PCDHA7: variants seen among roughly 807,000 people sequenced by gnomAD.
PCDHA7 encodes the protein protocadherin alpha-7.
Under a neutral mutation model 57.2 loss-of-function variants are expected in PCDHA7, and 37 were observed. The observed-to-expected ratio is 0.65, with a 90% CI of 0.50 to 0.85. PCDHA7 has a LOEUF of 0.85. Ranked by LOEUF, PCDHA7 falls within the 40% of genes least tolerant of loss-of-function variation. The probability of loss-of-function intolerance (pLI) is 0.00; values close to 1 mark genes in which losing one functional copy is unlikely to be tolerated. For missense variants in PCDHA7, 1,188 were observed against 1,241.8 expected (o/e 0.96, Z 0.65); for synonymous variants, 553 against 558.8 (o/e 0.99, Z 0.15).
chr5:140,956,044 T>G (rs1335890349), intron 1 of PCDHA7, among the ~76,000 whole-genome samples: 1 of 152,200 alleles, frequency 6.6e-6, no homozygotes, highest in African/African-American at 2.4e-5. Context: ...AAGAAGCTTT[T>G]GGGCTGAGAC....
rs1250461159 is a variant in PCDHA7 at position 140,856,238 on chromosome 5, C to A, written c.2355+19500C>A. 4 of 1,597,820 alleles carry A rather than the reference C, an allele frequency of 2.5e-6. 1 individual carries two copies. Among genetic ancestry groups the A allele is most frequent in the African/African-American group, 1.3e-5 (1 of 74,234 alleles). On this transcript the variant is annotated intron_variant, in intron 1 of 3. Coordinates refer to ENST00000525929, the MANE Select transcript of PCDHA7 (RefSeq NM_018910.3). ...GGCGGAGCTGGTGCAGCGCCTGTTC[C>A]GGGTGGCGTCCAAAAGACACGGGGA... is the stretch of plus-strand genomic sequence containing the variant.
chr5:140,877,684 A>C, intron 1 of PCDHA7: 1 of 1,613,768 alleles, frequency 6.2e-7, no homozygotes, highest in East Asian at 2.2e-5. Flanking sequence ...GGGCAAGCCC[A>C]CGCTGGTGTG....
chr5:140,967,487 G>A lies in PCDHA7; in HGVS notation c.2356-11462G>A, dbSNP rs781929483. 60 of 1,613,172 alleles carry A rather than the reference G, an allele frequency of 3.7e-5. No individual in the cohort carries two copies. The highest frequency in any genetic ancestry group is 5.0e-5 in the Non-Finnish European group (59 of 1,179,674). ...GGGCATCCCAGCCCGCTCGGGTACG[G>A]CACAGATCTCTGTGCGTGTCCTGGA... On this transcript the variant is annotated intron_variant, in intron 1 of 3. Coordinates refer to ENST00000525929, the MANE Select transcript of PCDHA7 (RefSeq NM_018910.3).
intron 1 of PCDHA7, chr5:140,841,294 A>G (rs2150312658): frequency 8.3e-6 from 13 of 1,563,188 alleles, no homozygotes; most frequent in African/African-American, 1.4e-5. Context: ...TTAAGATAAT[A>G]TTTTCTGATA....
intron 1 of PCDHA7, chr5:140,856,868 A>C: frequency 6.3e-7 from 1 of 1,595,926 alleles, no homozygotes; most frequent in Non-Finnish European, 8.6e-7. Flanking sequence ...AGGAATAAAC[A>C]AGGAAATGAT....
At chr5:140,976,369 G>A (rs1464114589) in intron 1 of PCDHA7, among the ~76,000 whole-genome samples, 1 of 151,996 alleles carries the variant, frequency 6.6e-6, no homozygotes, top group Non-Finnish European at 1.5e-5. Flanking sequence ...TGGCCAACAT[G>A]GTGAAACCCC....
In PCDHA7 at chr5:141,010,640, G is replaced by A. The variant is rs2098417874; in HGVS notation, c.*703G>A. The A allele has an allele frequency of 5.6e-6, 1 of 179,322 alleles. No homozygotes were observed. Among genetic ancestry groups the A allele is most frequent in the South Asian group, 1.4e-4 (1 of 7,048 alleles). 11.1% of individuals were successfully genotyped at this position (179,322 alleles called of 1,614,324 possible). A position where few individuals can be genotyped will look rare whatever the true frequency, so the allele number is the denominator to read the frequency against. On this transcript the variant is annotated 3_prime_UTR_variant, in exon 4 of 4. Transcript: ENST00000525929. ...TCTGCATCATACCTGCAAGCCAACA[G>A]TTCAGTGTTTTAACAGAGAACCACC...
rs2150493815 is a variant in PCDHA7 at position 140,850,683 on chromosome 5, G to A, written c.2355+13945G>A. 6 of 1,598,480 alleles carry A rather than the reference G, an allele frequency of 3.8e-6. No individual in the cohort carries two copies. The East Asian group carries it at 1.1e-4, about 30-fold the overall frequency. On this transcript the variant is annotated intron_variant, in intron 1 of 3. Coordinates refer to ENST00000525929, the MANE Select transcript of PCDHA7 (RefSeq NM_018910.3). ...GCGGTGCTCGGCGATGCCCACCGAG[G>A]GCGAGTGCGCGCCTGGCAAGCCGAC...
At chr5:140,964,609 T>A (rs2095843840) in intron 1 of PCDHA7, among the ~76,000 whole-genome samples, 1 of 152,062 alleles carries the variant, frequency 6.6e-6, no homozygotes, top group Non-Finnish European at 1.5e-5. Context: ...AACTTACAAC[T>A]TGATTCCACT....
intron 1 of PCDHA7, among the ~76,000 whole-genome samples, chr5:140,888,308 G>A (rs1383199158): frequency 1.3e-5 from 2 of 152,106 alleles, no homozygotes; most frequent in Non-Finnish European, 2.9e-5. Flanking sequence ...AGATAATTTG[G>A]CAATGCCTGG....
At chr5:140,864,390 A>G (rs1314124193) in intron 1 of PCDHA7, 1 of 152,190 alleles carries the variant, frequency 6.6e-6, no homozygotes. Flanking sequence ...ATCTCTCACA[A>G]ATGGTGATGA....
At chr5:141,005,332 A>G (rs1479899678) in intron 3 of PCDHA7, among the ~76,000 whole-genome samples, 2 of 152,188 alleles carry the variant, frequency 1.3e-5, no homozygotes, top group Non-Finnish European at 2.9e-5. Context: ...ATAATAGGCC[A>G]AGGGGGTGCT....
At chr5:140,863,405 C>T (rs1554158176) in intron 1 of PCDHA7, 11 of 799,522 alleles carry the variant, frequency 1.4e-5, no homozygotes, top group Non-Finnish European at 2.3e-5. Context: ...GGCAAGCCCA[C>T]GCTGGTGTAC....
intron 1 of PCDHA7, chr5:140,883,974 G>C: frequency 6.2e-7 from 1 of 1,612,962 alleles, no homozygotes; most frequent in Non-Finnish European, 8.5e-7. Context: ...CTGACGCCCG[G>C]GGCTGGCAGC....
intron 1 of PCDHA7, chr5:140,968,754 G>T: frequency 1.2e-6 from 2 of 1,614,170 alleles, no homozygotes; most frequent in Non-Finnish European, 1.7e-6. Flanking sequence ...GTGGTGGTCC[G>T]AGATAATGGA....
intron 1 of PCDHA7, among the ~76,000 whole-genome samples, chr5:140,941,256 T>TTTCTTTCTTTCTTTCA (rs2092982969): frequency 2.2e-5 from 1 of 45,974 alleles, no homozygotes. Flanking sequence ...TCTTTCTTTC[T>TTTCTTTCTTTCTTTCA]CTTTCTTTCT....
chr5:140,932,712 A>G (rs1025750078), intron 1 of PCDHA7, among the ~76,000 whole-genome samples: 4 of 151,972 alleles, frequency 2.6e-5, no homozygotes, highest in African/African-American at 9.6e-5. Context: ...AGACAACACA[A>G]TAATATTGTA....
At chr5:140,920,841 T>TAAAAA (rs781921146) in intron 1 of PCDHA7, among the ~76,000 whole-genome samples, 2 of 109,230 alleles carry the variant, frequency 1.8e-5, no homozygotes, top group Non-Finnish European at 1.9e-5. Flanking sequence ...AGACCAAATC[T>TAAAAA]AAAAAAAAAA....
At chr5:140,950,997 A>G (rs782438146) in intron 1 of PCDHA7, among the ~76,000 whole-genome samples, 6 of 151,460 alleles carry the variant, frequency 4.0e-5, no homozygotes, top group Non-Finnish European at 7.4e-5. Flanking sequence ...TTTTAGCTCC[A>G]TTTTTCCCAA....
Sources: gnomAD v4.1 joint callset for allele counts (sites outside exome capture counted in the v4.1 genomes callset) on GRCh38, gnomAD v4.1.1 for gene constraint, MANE v1.5 for transcripts, NCBI Gene and HGNC (gene_info 2026-07-23, HGNC 2026-07-21) for gene names.